Variants in RGS7 observed in about 807,000 individuals in gnomAD.
RGS7 encodes the protein regulator of G-protein signaling 7.
RGS7 carries 27 observed loss-of-function variants against 81.1 expected under a neutral mutation model. That is an observed-to-expected ratio of 0.33 (90% CI 0.25 to 0.46). The LOEUF (loss-of-function observed/expected upper bound fraction) is 0.46. Ranked by LOEUF, RGS7 falls within the 20% of genes least tolerant of loss-of-function variation. The pLI, the probability that RGS7 is intolerant of heterozygous loss-of-function variation, is 1.00. For synonymous variants in RGS7, 208 were observed against 207.7 expected (o/e 1.00, Z -0.01); for missense variants, 396 against 607.4 (o/e 0.65, Z 3.66).
At chr1:241,200,633 T>C (rs1180241849) in intron 2 of RGS7, among the ~76,000 whole-genome samples, 1 of 152,228 alleles carries the variant, frequency 6.6e-6, no homozygotes, top group Non-Finnish European at 1.5e-5. Flanking sequence ...TGTTTCACAG[T>C]GGAGTTCCAG....
At chr1:241,058,167 CAT>C (rs2061567992) in intron 3 of RGS7, among the ~76,000 whole-genome samples, 1 of 152,148 alleles carries the variant, frequency 6.6e-6, no homozygotes. Context: ...TGGGCTCAAA[CAT>C]GTGCATTAAG....
chr1:241,024,059 G>A (rs988275993), intron 3 of RGS7, among the ~76,000 whole-genome samples: 5 of 152,208 alleles, frequency 3.3e-5, no homozygotes, highest in East Asian at 1.9e-4. Flanking sequence ...GGCTGACAAT[G>A]CTTTTTAATA....
intron 3 of RGS7, among the ~76,000 whole-genome samples, chr1:241,075,506 T>C (rs900514003): frequency 6.6e-6 from 1 of 152,120 alleles, no homozygotes; most frequent in African/African-American, 2.4e-5. Flanking sequence ...ATCAGGGGTG[T>C]CCAGTATTTT....
intron 2 of RGS7, among the ~76,000 whole-genome samples, chr1:241,220,542 T>C (rs1051168884): frequency 1.3e-5 from 2 of 152,116 alleles, no homozygotes; most frequent in Non-Finnish European, 2.9e-5. Context: ...TCCTTTTTTT[T>C]AAGAAAGAAA....
At chr1:241,137,260 T>C (rs566040438) in intron 2 of RGS7, among the ~76,000 whole-genome samples, 103 of 152,260 alleles carry the variant, frequency 6.8e-4, no homozygotes, top group Middle Eastern at 6.8e-3. Flanking sequence ...GGGAAATTTA[T>C]GTTTCCCAGG....
At chr1:240,998,530 A>T in intron 3 of RGS7, 1 of 911,192 alleles carries the variant, frequency 1.1e-6, no homozygotes, top group Non-Finnish European at 1.8e-6. Flanking sequence ...CCTCAGCTGG[A>T]GCAGCAGCAG....
intron 2 of RGS7, among the ~76,000 whole-genome samples, chr1:241,200,288 C>T (rs1449764482): frequency 1.3e-5 from 2 of 151,974 alleles, no homozygotes; most frequent in African/African-American, 4.8e-5. Context: ...TCTCTCTTTC[C>T]CATGATTTTT....
intron 4 of RGS7, among the ~76,000 whole-genome samples, chr1:240,943,471 G>A (rs887095672): frequency 2.0e-5 from 3 of 152,198 alleles, no homozygotes; most frequent in African/African-American, 7.2e-5. Flanking sequence ...GTTATTATCA[G>A]TTGATACTTA....
At chr1:241,030,167 C>T (rs1572355374) in intron 3 of RGS7, among the ~76,000 whole-genome samples, 1 of 152,164 alleles carries the variant, frequency 6.6e-6, no homozygotes, top group Non-Finnish European at 1.5e-5. Flanking sequence ...GCACCCCTTG[C>T]TCTATCAAGA....
At chr1:240,797,757 G>T (rs1394206604) in intron 18 of RGS7, among the ~76,000 whole-genome samples, 1 of 152,140 alleles carries the variant, frequency 6.6e-6, no homozygotes, top group Non-Finnish European at 1.5e-5. Context: ...TTTTGAAAGA[G>T]AATAAAGTCA....
intron 4 of RGS7, among the ~76,000 whole-genome samples, chr1:240,964,470 C>T (rs1681976405): frequency 6.6e-6 from 1 of 152,112 alleles, no homozygotes; most frequent in African/African-American, 2.4e-5. Flanking sequence ...GGATCAGAAA[C>T]TCTCTTGGTG....
intron 2 of RGS7, among the ~76,000 whole-genome samples, chr1:241,141,394 T>C (rs2067910901): frequency 6.6e-6 from 1 of 152,158 alleles, no homozygotes; most frequent in South Asian, 2.1e-4. Flanking sequence ...CCACTACAGA[T>C]TCACTGTATT....
rs765563603 is a variant in RGS7, at chr1:240,776,232, C to A, written c.*7-19G>T. The A allele has an allele frequency of 6.3e-7, 1 of 1,589,488 alleles. No homozygotes were observed. Among genetic ancestry groups the A allele is most frequent in the East Asian group, 2.2e-5 (1 of 44,774 alleles). On this transcript the variant is annotated intron_variant, in intron 18 of 18. Coordinates refer to ENST00000440928, the MANE Select transcript of RGS7 (RefSeq NM_001364886.1). ...ATTTCCCCTGAGAAAATATATAAAACAAGAGAAAAGAAAGAAAATCAAGTA... is the reference window on the plus strand; with the variant it reads ...ATTTCCCCTGAGAAAATATATAAAAAAAGAGAAAAGAAAGAAAATCAAGTA...
intron 2 of RGS7, among the ~76,000 whole-genome samples, chr1:241,270,468 T>C (rs549025342): frequency 1.3e-5 from 2 of 152,354 alleles, no homozygotes; most frequent in Admixed American, 6.5e-5. Flanking sequence ...ACTTTTATCT[T>C]AAATCTACTT....
intron 2 of RGS7, among the ~76,000 whole-genome samples, chr1:241,159,120 T>C (rs1309738352): frequency 1.3e-5 from 2 of 152,244 alleles, no homozygotes; most frequent in African/African-American, 2.4e-5. Flanking sequence ...TTTTTATCTT[T>C]TACATTGTTT....
chr1:240,882,997 T>C (rs1168848203), intron 6 of RGS7, among the ~76,000 whole-genome samples: 2 of 152,190 alleles, frequency 1.3e-5, no homozygotes, highest in Non-Finnish European at 1.5e-5. Flanking sequence ...TGGTGTTTGG[T>C]TTTTTGTCCT....
chr1:241,246,946 A>G (rs1162836266), intron 2 of RGS7, among the ~76,000 whole-genome samples: 1 of 152,000 alleles, frequency 6.6e-6, no homozygotes, highest in Non-Finnish European at 1.5e-5. Flanking sequence ...CAGCAAGGGA[A>G]GGAATTAGTT....
chr1:241,220,975 A>AAAGAGAGAG lies in RGS7; in HGVS notation c.79-122214_79-122213insCTCTCTCTT, dbSNP rs1558202890. On this transcript the variant is annotated intron_variant, in intron 2 of 18. Transcript: ENST00000440928. ...CAAGGAAGGAAGGAAGGAAGGAAGG[A>AAAGAGAGAG]AGGAAGGAAGGAAGGAAGGAAGAGA... 1.3e-3 allele frequency among the ~76,000 whole-genome samples: 138 copies of AAAGAGAGAG among 104,026 alleles called. 2 individuals are homozygous for AAAGAGAGAG. The highest frequency in any genetic ancestry group is 3.6e-3 in the Admixed American group (35 of 9,716). 68.2% of individuals were successfully genotyped at this position (104,026 alleles called of 152,430 possible).
At chr1:241,089,061 CTCTA>C (rs1467735210) in intron 3 of RGS7, among the ~76,000 whole-genome samples, 407 of 36,810 alleles carry the variant, frequency 0.011, no homozygotes, top group Non-Finnish European at 0.014. Flanking sequence ...CTCTCTCTCT[CTCTA>C]TATATATATA....
Sources: allele counts gnomAD v4.1 joint callset (sites outside exome capture counted in the v4.1 genomes callset), GRCh38; gene constraint gnomAD v4.1.1; transcripts MANE v1.5; gene names NCBI Gene and HGNC (gene_info 2026-07-23, HGNC 2026-07-21).